PRKN: variants seen among roughly 807,000 people sequenced by gnomAD.
PRKN encodes E3 ubiquitin-protein ligase parkin.
PRKN carries 56 observed loss-of-function variants against 59.5 expected under a neutral mutation model. The ratio of observed to expected loss-of-function variants is 0.94; its 90% confidence interval spans 0.76 to 1.18. PRKN has a LOEUF of 1.18. Ranked by LOEUF, PRKN falls within the 50% of genes most tolerant of loss-of-function variation. The pLI is 0.00. For synonymous variants in PRKN, 250 were observed against 222.1 expected, an observed-to-expected ratio of 1.13 and a Z score of -1.12; for missense variants, 657 against 596.4, an observed-to-expected ratio of 1.10 and a Z score of -1.06.
intron 1 of PRKN, among the ~76,000 whole-genome samples, chr6:162,610,039 T>C (rs1782082610): frequency 6.6e-6 from 1 of 152,222 alleles, no homozygotes. Flanking sequence ...TTTGAAATCA[T>C]TTGAGATGGA....
intron 2 of PRKN, among the ~76,000 whole-genome samples, chr6:162,388,742 G>A (rs1318690282): frequency 6.6e-6 from 1 of 152,166 alleles, no homozygotes; most frequent in Non-Finnish European, 1.5e-5. Context: ...CTCTTCTCCA[G>A]TATCTGCATT....
At chr6:161,783,725 T>TC (rs1254277453) in intron 7 of PRKN, 1 of 488,584 alleles carries the variant, frequency 2.0e-6, no homozygotes, top group Admixed American at 2.4e-5. Context: ...TACAGAGTTT[T>TC]CCAATCTGTA....
intron 1 of PRKN, among the ~76,000 whole-genome samples, chr6:162,556,368 T>TGTGTGTGTGTGTGC (rs1779589992): frequency 4.1e-5 from 4 of 98,126 alleles, no homozygotes; most frequent in Admixed American, 2.2e-4. Flanking sequence ...TGTGTGTGTG[T>TGTGTGTGTGTGTGC]GTGTGTGTGT....
intron 6 of PRKN, among the ~76,000 whole-genome samples, chr6:161,874,669 T>C (rs1386721615): frequency 8.1e-6 from 1 of 124,086 alleles, no homozygotes; most frequent in African/African-American, 3.2e-5. Context: ...ATAAAATATA[T>C]AATATATAAA....
chr6:162,130,280 C>G (rs1245142460), intron 4 of PRKN, among the ~76,000 whole-genome samples: 1 of 152,090 alleles, frequency 6.6e-6, no homozygotes, highest in Non-Finnish European at 1.5e-5. Flanking sequence ...TTGTTTTAGT[C>G]AAACCCATTC....
chr6:162,310,091 T>C (rs1282128303), intron 2 of PRKN, among the ~76,000 whole-genome samples: 8 of 152,184 alleles, frequency 5.3e-5, no homozygotes, highest in African/African-American at 1.9e-4. Context: ...ATGTACCACA[T>C]TTTCTTTATC....
intron 2 of PRKN, among the ~76,000 whole-genome samples, chr6:162,385,204 A>C (rs2128142181): frequency 6.6e-6 from 1 of 152,326 alleles, no homozygotes; most frequent in Admixed American, 6.5e-5. Context: ...ATTGAGTAAT[A>C]AACTAAGTTT....
chr6:161,614,963 C>CAG (rs71694349), intron 7 of PRKN, among the ~76,000 whole-genome samples: 2,431 of 147,312 alleles, frequency 0.017, 31 homozygotes, highest in South Asian at 0.036. Context: ...GAGAGGAAGA[C>CAG]AGAGAGAGAG....
At chr6:161,511,465 T>C (rs990002911) in intron 9 of PRKN, among the ~76,000 whole-genome samples, 2 of 152,162 alleles carry the variant, frequency 1.3e-5, no homozygotes, top group Admixed American at 6.5e-5. Context: ...TCCTGGGGAA[T>C]TGGCAATAAG....
At chr6:162,155,459 C>T (rs768351194) in intron 4 of PRKN, among the ~76,000 whole-genome samples, 1 of 152,066 alleles carries the variant, frequency 6.6e-6, no homozygotes, top group Admixed American at 6.5e-5. Context: ...CACTATGAGA[C>T]TACCAGGAAT....
At chr6:162,051,895 T>C (rs555589207) in intron 5 of PRKN, among the ~76,000 whole-genome samples, 5 of 152,156 alleles carry the variant, frequency 3.3e-5, no homozygotes, top group Admixed American at 2.0e-4. Flanking sequence ...CCTTGTCCCA[T>C]GGATTTTAAA....
intron 2 of PRKN, among the ~76,000 whole-genome samples, chr6:162,408,996 T>A (rs1247296114): frequency 7.0e-6 from 1 of 143,238 alleles, no homozygotes; most frequent in Non-Finnish European, 1.5e-5. Flanking sequence ...CCTCTCCCAC[T>A]CCCCCTGTCT....
rs1346303724 is a variant in PRKN at position 161,362,755 on chromosome 6, G to A, written c.1168-2550C>T. 6.6e-6 allele frequency among the ~76,000 whole-genome samples: 1 copy of A among 152,214 alleles called. No individual in the cohort carries two copies. The highest frequency in any genetic ancestry group is 1.9e-4 in the East Asian group (1 of 5,200). On this transcript the variant is annotated intron_variant, in intron 10 of 11. Coordinates refer to ENST00000366898, the MANE Select transcript of PRKN (RefSeq NM_004562.3). The surrounding 1 kb of genome is among the most constrained non-coding windows in gnomAD (Gnocchi z 5.2). ...CCAGGCGGAAGCAAAAATATCTTTT[G>A]TGGAGCACAGCACTTTAAAAAGCCA...
At chr6:161,957,235 T>C (rs1240498424) in intron 6 of PRKN, among the ~76,000 whole-genome samples, 1 of 152,182 alleles carries the variant, frequency 6.6e-6, no homozygotes, top group Admixed American at 6.5e-5. Context: ...CACGTGAATG[T>C]TGTTTCTGAA....
intron 1 of PRKN, among the ~76,000 whole-genome samples, chr6:162,672,716 GTGTA>G (rs1407070327): frequency 6.4e-5 from 9 of 140,940 alleles, no homozygotes; most frequent in African/African-American, 2.1e-4. Flanking sequence ...GTGTGTGTGT[GTGTA>G]TGCATGTGTA....
rs1486547037 is a variant in PRKN at position 161,409,388 on chromosome 6, G to A, written c.1084-22511C>T. Among the ~76,000 whole-genome samples the A allele has an allele frequency of 3.3e-5, 5 of 152,190 alleles. No individual in the cohort carries two copies. The highest frequency in any genetic ancestry group is 7.3e-5 in the Non-Finnish European group (5 of 68,044). On this transcript the variant is annotated intron_variant, in intron 9 of 11. Coordinates refer to ENST00000366898, the MANE Select transcript of PRKN (RefSeq NM_004562.3). The surrounding 1 kb of genome is among the most constrained non-coding windows in gnomAD (Gnocchi z 4.6). ...TTATAACGGCCATATGTCTCCCTGA[G>A]TAGGATTTTCCAGAAGAAATTACCA...
At chr6:162,467,582 A>G (rs1441297294) in intron 1 of PRKN, among the ~76,000 whole-genome samples, 1 of 152,074 alleles carries the variant, frequency 6.6e-6, no homozygotes, top group Non-Finnish European at 1.5e-5. Flanking sequence ...CTCCATCTGC[A>G]TTGTCGTGAC....
intron 2 of PRKN, among the ~76,000 whole-genome samples, chr6:162,302,959 A>AACACACACACACACACACACAC (rs1184692308): frequency 2.1e-5 from 1 of 48,214 alleles, no homozygotes; most frequent in Non-Finnish European, 5.1e-5. Flanking sequence ...ATATGCCTTA[A>AACACACACACACACACACACAC]ACATACACAC....
intron 1 of PRKN, among the ~76,000 whole-genome samples, chr6:162,635,838 C>T (rs1217731516): frequency 6.6e-6 from 1 of 152,062 alleles, no homozygotes; most frequent in Non-Finnish European, 1.5e-5. Context: ...TGATTCGCTT[C>T]CGGTTTGGGG....
Sources: gnomAD v4.1 joint callset for allele counts (sites outside exome capture counted in the v4.1 genomes callset) on GRCh38, gnomAD v4.1.1 for gene constraint, Gnocchi (gnomAD v3.1) non-coding constraint, MANE v1.5 for transcripts, NCBI Gene and HGNC (gene_info 2026-07-23, HGNC 2026-07-21) for gene names.